The following TJP3 variants were observed in gnomAD, a reference collection of about 807,000 sequenced individuals.
TJP3 encodes the protein tight junction protein 3.
TJP3 carries 85 observed loss-of-function variants against 104.2 expected under a neutral mutation model. That is an observed-to-expected ratio of 0.82 (90% CI 0.68 to 0.98). The LOEUF (loss-of-function observed/expected upper bound fraction) is 0.98, where lower values mean the gene tolerates loss of function less well. Ranked by LOEUF, TJP3 falls within the 50% of genes least tolerant of loss-of-function variation. TJP3 has a pLI of 0.00. For synonymous variants in TJP3, 550 were observed against 550.6 expected (o/e 1.00, Z 0.02); for missense variants, 1,367 against 1,322.8 (o/e 1.03, Z -0.52).
intron 1 of TJP3, among the ~76,000 whole-genome samples, chr19:3,716,667 C>G (rs915669550): frequency 6.8e-6 from 1 of 146,552 alleles, no homozygotes; most frequent in Non-Finnish European, 1.5e-5. Flanking sequence ...GCTCTGTCAC[C>G]CAGGCTGGAG....
Position 3,746,701 on chromosome 19 carries a change from G to C in TJP3, c.2221+6G>C. On this transcript the variant is annotated splice_donor_region_variant and intron_variant, in intron 17 of 20. Transcript: ENST00000541714. This position sits in a 1 kb window ranked among gnomAD's most constrained non-coding sequence, Gnocchi z 4.1. ...CAGCAGCCACCTCTTCACAGGTTGG[G>C]GGGTGGGTGTCCCAGGGTAGGCGGG... The C allele has an allele frequency of 6.2e-7, 1 of 1,608,880 alleles. No homozygotes were observed. Among genetic ancestry groups the C allele is most frequent in the Non-Finnish European group, 8.5e-7 (1 of 1,177,730 alleles).
In TJP3 at chr19:3,718,230, T is replaced by G. The variant is rs1156784436; in HGVS notation, c.-10+9669T>G. Among the ~76,000 whole-genome samples, 47 of 106,112 alleles carry G rather than the reference T, an allele frequency of 4.4e-4. 1 individual carries two copies. The highest frequency in any genetic ancestry group is 4.9e-3 in the Middle Eastern group (1 of 206). 69.6% of individuals were successfully genotyped at this position (106,112 alleles called of 152,430 possible). ...AAAAAAAAGTGTGTGTGTGTGTGTGTGTGTGTGTGTGTGTGTGTGTGTGTG... is the reference window on the plus strand; with the variant it reads ...AAAAAAAAGTGTGTGTGTGTGTGTGGGTGTGTGTGTGTGTGTGTGTGTGTG... On this transcript the variant is annotated intron_variant, in intron 1 of 20. Transcript: ENST00000541714.
In TJP3 at chr19:3,716,955, C is replaced by A. The variant is rs542571430; in HGVS notation, c.-10+8394C>A. 2.7e-4 allele frequency among the ~76,000 whole-genome samples: 36 copies of A among 132,100 alleles called. 4 individuals are homozygous for A. In the Admixed American group the frequency reaches 2.9e-3, roughly 11 times the overall value. The allele number at this position is 132,100 out of a possible 152,430, so 86.7% of individuals were successfully genotyped here. A position where few individuals can be genotyped will look rare whatever the true frequency, so the allele number is the denominator to read the frequency against. The stretch of plus-strand genomic sequence containing the variant: ...CTGGGATTACAGGCGGGTGCCAACA[C>A]GCCCAGGTGACTTTTTTTTTTTTTT... On this transcript the variant is annotated intron_variant, in intron 1 of 20. Coordinates refer to ENST00000541714, the MANE Select transcript of TJP3 (RefSeq NM_001267560.2).
chr19:3,717,825 C>T (rs1276515735), intron 1 of TJP3, among the ~76,000 whole-genome samples: 1 of 151,664 alleles, frequency 6.6e-6, no homozygotes, highest in East Asian at 1.9e-4. Context: ...CCATGACTTA[C>T]TGCAGCCTCC....
At chr19:3,722,544 G>C (rs1006410844) in intron 1 of TJP3, among the ~76,000 whole-genome samples, 1 of 151,372 alleles carries the variant, frequency 6.6e-6, no homozygotes, top group Non-Finnish European at 1.5e-5. Flanking sequence ...GGCAGGGGTG[G>C]GGTGAGCAAG....
chr19:3,729,781 C>CG (rs1555738780), intron 3 of TJP3, among the ~76,000 whole-genome samples: 1 of 120,590 alleles, frequency 8.3e-6, no homozygotes, highest in African/African-American at 3.2e-5. Context: ...GACTCTGTCT[C>CG]AAAAAAAAAA....
At chr19:3,749,093 G>A (rs933247438) in intron 19 of TJP3, among the ~76,000 whole-genome samples, 8 of 150,284 alleles carry the variant, frequency 5.3e-5, no homozygotes, top group African/African-American at 1.7e-4. Flanking sequence ...GCTGGTCTCC[G>A]ATTCCTGACC....
chr19:3,718,651 T>A (rs1489639837), intron 1 of TJP3, among the ~76,000 whole-genome samples: 4 of 151,322 alleles, frequency 2.6e-5, no homozygotes, highest in Non-Finnish European at 5.9e-5. Context: ...GTATTTTCAG[T>A]AGAGACAGGG....
intron 1 of TJP3, among the ~76,000 whole-genome samples, chr19:3,710,353 C>T (rs2036422820): frequency 6.6e-6 from 1 of 152,100 alleles, no homozygotes; most frequent in African/African-American, 2.4e-5. Context: ...CAGCCGCTTA[C>T]CCCGGGCCGC....
chr19:3,714,255 G>A (rs1218876251), intron 1 of TJP3, among the ~76,000 whole-genome samples: 2 of 151,834 alleles, frequency 1.3e-5, no homozygotes, highest in African/African-American at 4.8e-5. Context: ...TCATCATCTT[G>A]GCCTGGTTGG....
intron 11 of TJP3, among the ~76,000 whole-genome samples, chr19:3,736,732 G>A (rs1000499715): frequency 4.0e-5 from 6 of 151,648 alleles, no homozygotes; most frequent in Admixed American, 6.6e-5. Flanking sequence ...CCACCACCAC[G>A]CCCGGCTAAT....
chr19:3,718,393 T>C (rs1207472027), intron 1 of TJP3, among the ~76,000 whole-genome samples: 4 of 150,828 alleles, frequency 2.7e-5, no homozygotes, highest in African/African-American at 9.8e-5. Context: ...AAGCCTCTTA[T>C]TTTAAAGACG....
chr19:3,747,771 C>T (rs1471003959), intron 18 of TJP3, 23 bp from the exon 19 acceptor site: 6 of 1,541,108 alleles, frequency 3.9e-6, no homozygotes, highest in Non-Finnish European at 5.2e-6. Flanking sequence ...GGGCCAGCCG[C>T]AGCATCCACA....
chr19:3,735,073 C>T lies in TJP3; in HGVS notation c.987-493C>T, dbSNP rs188172125. Among the ~76,000 whole-genome samples the T allele has an allele frequency of 5.3e-5, 8 of 152,216 alleles. No individual in the cohort carries two copies. In the East Asian group the frequency reaches 1.2e-3, roughly 22 times the overall value. ...GGTCTGTATTGCCCAGCTATGTTGC[C>T]CAGGCTGGTCTTGAACTCCTGGGCT... On this transcript the variant is annotated intron_variant, in intron 8 of 20. Coordinates refer to ENST00000541714, the MANE Select transcript of TJP3 (RefSeq NM_001267560.2).
chr19:3,736,250 T>C lies in TJP3; in HGVS notation c.1213T>C (p.Phe405Leu). 6.4e-7 allele frequency: 1 copy of C among 1,568,950 alleles called. No individual in the cohort carries two copies. Among genetic ancestry groups the C allele is most frequent in the East Asian group, 2.3e-5 (1 of 44,400 alleles). ...RLAGGNDVGI[F>L]VSGVQAGSPA... The stretch of plus-strand genomic sequence containing the variant: ...GGCAGGGGGCAATGACGTGGGCATC[T>C]TCGTGTCCGGGGTGCAGGCGGGCAG... The change falls in exon 11 of 21, where the codon TTC becomes CTC. Residue 405 changes from phenylalanine (F) to leucine (L), a missense_variant. Transcript: ENST00000541714.
At chr19:3,731,873 A>T in intron 5 of TJP3, 62 bp from the exon 6 acceptor site, 1 of 1,438,510 alleles carries the variant, frequency 7.0e-7, no homozygotes, top group Non-Finnish European at 9.6e-7. Flanking sequence ...TTACAGCAGG[A>T]GAATGCTCCC....
intron 14 of TJP3, 26 bp from the exon 15 acceptor site, chr19:3,743,913 T>A: frequency 6.2e-7 from 1 of 1,610,690 alleles, no homozygotes; most frequent in Admixed American, 1.7e-5. Flanking sequence ...GGACCCTGAT[T>A]CTTTCACTGT....
rs538647838 is a variant in TJP3, at chr19:3,730,752, G to A, written c.613+46G>A. On this transcript the variant is annotated intron_variant, in intron 5 of 20. Transcript: ENST00000541714. This position sits in a 1 kb window ranked among gnomAD's most constrained non-coding sequence, Gnocchi z 7.3. ...GGACACGATCAGTACTGGACACAGG[G>A]CACCGTGGTCGGATGGGCGACGGTT... is the stretch of plus-strand genomic sequence containing the variant. 2.6e-6 allele frequency: 4 copies of A among 1,542,034 alleles called. No individual in the cohort carries two copies. Among genetic ancestry groups the A allele is most frequent in the South Asian group, 2.3e-5 (2 of 85,526 alleles).
In TJP3 at chr19:3,716,206, G is replaced by C. The variant is rs1244946264; in HGVS notation, c.-10+7645G>C. 4.1e-5 allele frequency among the ~76,000 whole-genome samples: 6 copies of C among 148,006 alleles called. 1 individual carries two copies. In the South Asian group the frequency reaches 6.8e-4, roughly 17 times the overall value. ...TCCTGCCTCAGCCTCCCGAGTAGCA[G>C]GGATTACAGGTGCCTGTCACTACGC... On this transcript the variant is annotated intron_variant, in intron 1 of 20. Coordinates refer to ENST00000541714, the MANE Select transcript of TJP3 (RefSeq NM_001267560.2).
Sources: gnomAD v4.1 joint callset for allele counts (sites outside exome capture counted in the v4.1 genomes callset) on GRCh38, gnomAD v4.1.1 for gene constraint, Gnocchi (gnomAD v3.1) non-coding constraint, MANE v1.5 for transcripts, NCBI Gene and HGNC (gene_info 2026-07-23, HGNC 2026-07-21) for gene names.